The following CREBBP variants were observed in gnomAD, a reference collection of about 807,000 sequenced individuals.
CREBBP encodes CREB-binding protein.
In CREBBP, 19 loss-of-function variants were observed where a neutral mutation model predicts 265.0. That is an observed-to-expected ratio of 0.07 (90% CI 0.05 to 0.11). The LOEUF (loss-of-function observed/expected upper bound fraction) is 0.11, where lower values mean the gene tolerates loss of function less well. Among genes scored for constraint, CREBBP ranks in the 10% least tolerant of loss-of-function variants. The pLI is 1.00. For missense variants in CREBBP, 2,525 were observed against 3,219.0 expected (o/e 0.78, Z 5.22); for synonymous variants, 1,457 against 1,223.7 (o/e 1.19, Z -3.98).
chr16:3,762,398 C>T (rs2052742021), intron 16 of CREBBP, among the ~76,000 whole-genome samples: 1 of 141,138 alleles, frequency 7.1e-6, no homozygotes, highest in African/African-American at 2.7e-5. Flanking sequence ...GAGTCTCGCG[C>T]TGTCACCCAG....
At chr16:3,784,528 A>G (rs2053343676) in intron 5 of CREBBP, 1 of 152,220 alleles carries the variant, frequency 6.6e-6, no homozygotes, top group East Asian at 1.9e-4. Flanking sequence ...GACATCCTAC[A>G]TTTTTAAGAA....
At chr16:3,750,792 T>A (rs1458917081) in intron 20 of CREBBP, among the ~76,000 whole-genome samples, 1 of 152,174 alleles carries the variant, frequency 6.6e-6, no homozygotes, top group Admixed American at 6.5e-5. Context: ...AACACTGGAA[T>A]CCATTAATCT....
At chr16:3,846,928 T>C (rs1171993738) in intron 2 of CREBBP, among the ~76,000 whole-genome samples, 4 of 152,238 alleles carry the variant, frequency 2.6e-5, no homozygotes, top group Admixed American at 2.0e-4. Flanking sequence ...TATGGTTGTT[T>C]GTCGTTAAAC....
chr16:3,872,831 A>T (rs1264945951), intron 1 of CREBBP, among the ~76,000 whole-genome samples: 1 of 151,978 alleles, frequency 6.6e-6, no homozygotes, highest in Non-Finnish European at 1.5e-5. Context: ...GGCTTCCCCA[A>T]CTCCTGGCTC....
intron 2 of CREBBP, among the ~76,000 whole-genome samples, chr16:3,846,836 G>C (rs1048210535): frequency 6.6e-6 from 1 of 152,150 alleles, no homozygotes; most frequent in African/African-American, 2.4e-5. Context: ...AGAAATAATA[G>C]TTGCCTTTGG....
At chr16:3,872,017 A>G (rs2055309728) in intron 1 of CREBBP, among the ~76,000 whole-genome samples, 1 of 152,222 alleles carries the variant, frequency 6.6e-6, no homozygotes, top group Admixed American at 6.5e-5. Flanking sequence ...TGGTTCAACT[A>G]AACAGTCTTT....
chr16:3,727,072 G>C lies in CREBBP; in HGVS notation c.*646C>G, dbSNP rs1207611837. 2.1e-5 allele frequency: 5 copies of C among 233,948 alleles called. No homozygotes were observed. The highest frequency in any genetic ancestry group is 3.4e-5 in the Non-Finnish European group (4 of 118,374). The allele number at this position is 233,948 out of a possible 1,614,324, so 14.5% of individuals were successfully genotyped here. On this transcript the variant is annotated 3_prime_UTR_variant, in exon 31 of 31. Transcript: ENST00000262367. The stretch of plus-strand genomic sequence containing the variant: ...TTTTTGTCTAAAACCAGTTTTATCA[G>C]AGAAACAAAGCAACAATTTCTACAT...
rs587778212 is a variant in CREBBP at position 3,810,614 on chromosome 16, C to T, written c.964G>A (p.Val322Met). The change falls in exon 3 of 31, where the codon GTG becomes ATG. Residue 322 changes from valine (V) to methionine (M), a missense_variant. By Grantham distance (21) the Val-to-Met change is conservative. Coordinates refer to ENST00000262367, the MANE Select transcript of CREBBP (RefSeq NM_004380.3). ...CAAGGGTAACTTACCATATTTGGCACGTTGGTGACTGAAGTATTCTTGATA... is the reference window on the plus strand; with the variant it reads ...CAAGGGTAACTTACCATATTTGGCATGTTGGTGACTGAAGTATTCTTGATA... ...TDIKNTSVTN[V>M]PNMSQMQTSV... 27 of 1,613,472 alleles carry T rather than the reference C, an allele frequency of 1.7e-5. No homozygotes were observed. Among genetic ancestry groups the T allele is most frequent in the Admixed American group, 1.0e-4 (6 of 59,970 alleles).
At chr16:3,811,812 A>G (rs2053943363) in intron 2 of CREBBP, among the ~76,000 whole-genome samples, 1 of 152,128 alleles carries the variant, frequency 6.6e-6, no homozygotes, top group Admixed American at 6.5e-5. Flanking sequence ...TTTTCCTAAT[A>G]ACGTTTTCTT....
Position 3,850,736 on chromosome 16 carries a change from T to C in CREBBP, c.359A>G (p.Lys120Arg). ...AGAATCTCCCTGGCTCAGAGGGCTC[T>C]TGCCCATGGCACTGAGGCTGGCCAT... is the stretch of plus-strand genomic sequence containing the variant. ...ANMASLSAMG[K>R]SPLSQGDSSA... The change falls in exon 2 of 31, where the codon AAG (lysine) becomes AGG (arginine). Residue 120 changes from lysine to arginine, a missense_variant. By Grantham distance (26) the Lys-to-Arg change is conservative. Coordinates refer to ENST00000262367, the MANE Select transcript of CREBBP (RefSeq NM_004380.3). 6.2e-7 allele frequency: 1 copy of C among 1,614,094 alleles called. No homozygotes were observed. The highest frequency in any genetic ancestry group is 8.5e-7 in the Non-Finnish European group (1 of 1,180,044).
chr16:3,858,104 GA>G (rs1487443588), intron 1 of CREBBP, among the ~76,000 whole-genome samples: 1 of 152,168 alleles, frequency 6.6e-6, no homozygotes, highest in Non-Finnish European at 1.5e-5. Flanking sequence ...AACACTGAAA[GA>G]CAAATGGTAC....
intron 19 of CREBBP, among the ~76,000 whole-genome samples, chr16:3,752,126 A>G (rs75328655): frequency 2.0e-3 from 311 of 152,290 alleles, no homozygotes; most frequent in African/African-American, 6.8e-3. Context: ...CATCACTAAC[A>G]ACGACAGGCT....
intron 3 of CREBBP, among the ~76,000 whole-genome samples, chr16:3,806,606 T>C (rs554460813): frequency 1.6e-4 from 24 of 152,106 alleles, no homozygotes; most frequent in Non-Finnish European, 2.9e-4. Flanking sequence ...TGTGAAAATG[T>C]CAGAAAGCCC....
chr16:3,835,923 G>A (rs1237142399), intron 2 of CREBBP, among the ~76,000 whole-genome samples: 3 of 151,792 alleles, frequency 2.0e-5, no homozygotes, highest in African/African-American at 4.8e-5. Context: ...CAACCCCAAT[G>A]TCCATTAATG....
intron 1 of CREBBP, among the ~76,000 whole-genome samples, chr16:3,861,455 G>T (rs566493229): frequency 1.3e-5 from 2 of 152,120 alleles, no homozygotes; most frequent in African/African-American, 4.8e-5. Flanking sequence ...GGCTGAACCA[G>T]CCAAAGCCTT....
intron 2 of CREBBP, among the ~76,000 whole-genome samples, chr16:3,841,639 T>G (rs967198040): frequency 3.3e-5 from 5 of 152,040 alleles, no homozygotes; most frequent in Admixed American, 3.3e-4. Flanking sequence ...AGGCCTTGTC[T>G]CAAAATAAAT....
At chr16:3,824,568 C>T (rs1006901041) in intron 2 of CREBBP, among the ~76,000 whole-genome samples, 4 of 152,202 alleles carry the variant, frequency 2.6e-5, no homozygotes, top group Admixed American at 6.5e-5. Flanking sequence ...CAGGAACAAA[C>T]GCTGCTCTGA....
chr16:3,751,192 C>A (rs1002539888), intron 20 of CREBBP, among the ~76,000 whole-genome samples: 1 of 152,188 alleles, frequency 6.6e-6, no homozygotes, highest in Non-Finnish European at 1.5e-5. Context: ...ACAGTACCAC[C>A]GCCTTGAATG....
chr16:3,858,837 G>A (rs1166107359), intron 1 of CREBBP, among the ~76,000 whole-genome samples: 1 of 152,190 alleles, frequency 6.6e-6, no homozygotes, highest in Non-Finnish European at 1.5e-5. Flanking sequence ...TACAAACTCA[G>A]CATCAATGAA....
Sources: allele counts gnomAD v4.1 joint callset (sites outside exome capture counted in the v4.1 genomes callset), GRCh38; gene constraint gnomAD v4.1.1; transcripts MANE v1.5; gene names NCBI Gene and HGNC (gene_info 2026-07-23, HGNC 2026-07-21).